Variants in RBMS3 observed in about 807,000 individuals in gnomAD.
The protein encoded by RBMS3 is RNA-binding motif, single-stranded-interacting protein 3.
In RBMS3, 27 loss-of-function variants were observed where a neutral mutation model predicts 66.8. The ratio of observed to expected loss-of-function variants is 0.40; its 90% CI spans 0.30 to 0.56. The LOEUF (loss-of-function observed/expected upper bound fraction) is 0.56. Ranked by LOEUF, RBMS3 falls within the 20% of genes least tolerant of loss-of-function variation. The pLI is 0.40. For missense variants in RBMS3, 513 were observed against 549.5 expected (o/e 0.93, Z 0.66); for synonymous variants, 188 against 183.0 (o/e 1.03, Z -0.22).
At chr3:29,873,734 G>A (rs2059545518) in intron 7 of RBMS3, among the ~76,000 whole-genome samples, 1 of 152,024 alleles carries the variant, frequency 6.6e-6, no homozygotes, top group Non-Finnish European at 1.5e-5. Flanking sequence ...TTTCATAAAT[G>A]GCTCTTATTA....
At chr3:29,341,825 C>G (rs893432184) in intron 1 of RBMS3, among the ~76,000 whole-genome samples, 1 of 152,120 alleles carries the variant, frequency 6.6e-6, no homozygotes, top group Non-Finnish European at 1.5e-5. Context: ...TAATTACCCT[C>G]AAACAAGGAA....
intron 1 of RBMS3, among the ~76,000 whole-genome samples, chr3:29,409,890 T>C (rs1242250522): frequency 6.6e-6 from 1 of 152,170 alleles, no homozygotes; most frequent in Non-Finnish European, 1.5e-5. Context: ...TTTCATTACT[T>C]CAGTATACTG....
At chr3:29,419,747 G>T (rs2118600) in intron 1 of RBMS3, among the ~76,000 whole-genome samples, 118,148 of 152,106 alleles carry the variant, frequency 0.78, 46,228 homozygotes, top group African/African-American at 0.88. Flanking sequence ...TGGCTATAGG[G>T]AGAAGGGGAG....
chr3:29,589,220 C>A (rs1337134669), intron 4 of RBMS3, among the ~76,000 whole-genome samples: 1 of 152,100 alleles, frequency 6.6e-6, no homozygotes, highest in Non-Finnish European at 1.5e-5. Context: ...TTCTCTCTCT[C>A]TCTTACCCAC....
chr3:29,366,540 T>A (rs1280485029), intron 1 of RBMS3, among the ~76,000 whole-genome samples: 1 of 135,010 alleles, frequency 7.4e-6, no homozygotes, highest in Non-Finnish European at 1.6e-5. Flanking sequence ...GCCACCAGGC[T>A]GAGCTAATTT....
intron 7 of RBMS3, among the ~76,000 whole-genome samples, chr3:29,883,081 A>G (rs999061155): frequency 1.3e-5 from 2 of 152,250 alleles, no homozygotes; most frequent in East Asian, 1.9e-4. Flanking sequence ...TACCCTAAAG[A>G]TAACTTACTT....
intron 12 of RBMS3, among the ~76,000 whole-genome samples, chr3:29,963,516 T>A (rs900815571): frequency 1.9e-4 from 29 of 152,142 alleles, no homozygotes; most frequent in African/African-American, 7.0e-4. Context: ...TACAAACACT[T>A]AAGAGAATCA....
chr3:29,377,896 T>C (rs1203395748), intron 1 of RBMS3, among the ~76,000 whole-genome samples: 2 of 152,216 alleles, frequency 1.3e-5, no homozygotes, highest in Non-Finnish European at 2.9e-5. Flanking sequence ...AAAACTAGTC[T>C]TTTAGCAAGA....
intron 1 of RBMS3, among the ~76,000 whole-genome samples, chr3:29,416,798 T>C (rs929898931): frequency 6.6e-6 from 1 of 152,114 alleles, no homozygotes; most frequent in Non-Finnish European, 1.5e-5. Context: ...ACTGGAAGGA[T>C]GTGGGAAGTA....
chr3:29,527,958 C>T (rs1046292226), intron 3 of RBMS3, among the ~76,000 whole-genome samples: 3 of 147,914 alleles, frequency 2.0e-5, no homozygotes, highest in Admixed American at 6.6e-5. Flanking sequence ...AAAGAAATAG[C>T]AGATATAATC....
At chr3:29,944,112 G>A in intron 11 of RBMS3, 95 bp from the exon 12 acceptor site, 5 of 1,132,428 alleles carry the variant, frequency 4.4e-6, no homozygotes, top group Non-Finnish European at 5.2e-6. Context: ...GCAACCATAT[G>A]ACACACAGCG....
At chr3:29,565,068 T>G (rs1361506457) in intron 3 of RBMS3, among the ~76,000 whole-genome samples, 1 of 152,126 alleles carries the variant, frequency 6.6e-6, no homozygotes, top group Non-Finnish European at 1.5e-5. Flanking sequence ...CTTGTGTAAT[T>G]CAAGACCAGA....
At position 29,681,674 on chromosome 3, in the gene RBMS3, G is replaced by A. The variant is rs531271000; in HGVS notation, c.400-58046G>A. On this transcript the variant is annotated intron_variant, in intron 4 of 14. Coordinates refer to ENST00000383767, the MANE Select transcript of RBMS3 (RefSeq NM_001003793.3). ...TCAACCCCATCCATGTCCCTGCAAA[G>A]GACATGATCTTCTTCCTTTTTATGG... Among the ~76,000 whole-genome samples, 4 of 152,248 alleles carry A rather than the reference G, an allele frequency of 2.6e-5. No individual in the cohort carries two copies. The East Asian group carries it at 5.8e-4, about 22-fold the overall frequency.
chr3:29,986,301 T>C (rs1698386906), intron 12 of RBMS3, among the ~76,000 whole-genome samples: 1 of 152,218 alleles, frequency 6.6e-6, no homozygotes, highest in Non-Finnish European at 1.5e-5. Context: ...TTCCAGAATA[T>C]ATTTCTTAGA....
At chr3:29,781,343 A>G (rs2056626118) in intron 6 of RBMS3, among the ~76,000 whole-genome samples, 1 of 152,060 alleles carries the variant, frequency 6.6e-6, no homozygotes, top group African/African-American at 2.4e-5. Flanking sequence ...AGCATAAGGT[A>G]TTTACAATTC....
intron 1 of RBMS3, among the ~76,000 whole-genome samples, chr3:29,380,260 T>A (rs1284384299): frequency 1.3e-5 from 2 of 151,918 alleles, no homozygotes; most frequent in African/African-American, 2.4e-5. Context: ...TAAGCTAACA[T>A]GTTATAAAAA....
intron 6 of RBMS3, among the ~76,000 whole-genome samples, chr3:29,863,870 T>A (rs1028164429): frequency 6.6e-6 from 1 of 152,218 alleles, no homozygotes; most frequent in Admixed American, 6.5e-5. Context: ...CTGCTAAATG[T>A]TTTTATGCCA....
At chr3:29,566,526 G>A (rs528453052) in intron 3 of RBMS3, among the ~76,000 whole-genome samples, 93 of 149,676 alleles carry the variant, frequency 6.2e-4, no homozygotes, top group African/African-American at 2.1e-3. Context: ...ACATGTCCCC[G>A]TTAATTGCTT....
chr3:29,878,937 A>G (rs980431031), intron 7 of RBMS3, among the ~76,000 whole-genome samples: 4 of 152,124 alleles, frequency 2.6e-5, no homozygotes, highest in African/African-American at 9.7e-5. Context: ...AGTCCCAGCT[A>G]CTGAGGAGGC....
Sources: gnomAD v4.1 joint callset for allele counts (sites outside exome capture counted in the v4.1 genomes callset) on GRCh38, gnomAD v4.1.1 for gene constraint, MANE v1.5 for transcripts, NCBI Gene and HGNC (gene_info 2026-07-23, HGNC 2026-07-21) for gene names.